MGAT4D: variants seen among roughly 807,000 people sequenced by gnomAD.
The protein encoded by MGAT4D is MGAT4 family member D.
A neutral mutation model predicts 15.9 loss-of-function variants in MGAT4D; 34 were observed. The observed-to-expected ratio is 2.14, with a 90% CI of 1.62 to 2.84. The LOEUF (loss-of-function observed/expected upper bound fraction) is 2.84. Ranked by LOEUF, MGAT4D falls within the 30% of genes most tolerant of loss-of-function variation. MGAT4D has a pLI of 0.00. For missense variants in MGAT4D, 327 were observed against 140.2 expected, an observed-to-expected ratio of 2.33 and a Z score of -6.73; for synonymous variants, 112 against 48.2, an observed-to-expected ratio of 2.33 and a Z score of -5.49.
chr4:140,476,190 T>A (rs1449980071), intron 3 of MGAT4D, among the ~76,000 whole-genome samples: 10 of 152,318 alleles, frequency 6.6e-5, no homozygotes, highest in Middle Eastern at 3.4e-3. Flanking sequence ...GTTGTCAGCA[T>A]TTTTCTTATT....
At chr4:140,465,532 A>G (rs551978744) in intron 5 of MGAT4D, among the ~76,000 whole-genome samples, 1 of 152,202 alleles carries the variant, frequency 6.6e-6, no homozygotes, top group South Asian at 2.1e-4. Context: ...ATAGATCAAC[A>G]AGGTCATCAC....
At chr4:140,449,104 A>G (rs1431129245) in intron 10 of MGAT4D, among the ~76,000 whole-genome samples, 1 of 152,220 alleles carries the variant, frequency 6.6e-6, no homozygotes. Context: ...TACAATGGAG[A>G]GGTAGAAAAT....
At position 140,474,815 on chromosome 4, in the gene MGAT4D, C is replaced by A; in HGVS notation, c.523G>T (p.Asp175Tyr). Residue 175 changes from aspartate to tyrosine, a missense_variant and splice_region_variant, in exon 4 of 11, where the codon GAT (aspartate) becomes TAT (tyrosine). Transcript: ENST00000511113. ...AGCTCCTTATTTTGTATACGTACATCTGCAACCAAGACAATCACTACAGAA... is the reference window on the plus strand; with the variant it reads ...AGCTCCTTATTTTGTATACGTACATATGCAACCAAGACAATCACTACAGAA... Reference protein sequence around the residue: ...KDSVVIVLVADSNEDYLHSVV... With the variant: ...KDSVVIVLVAYSNEDYLHSVV... 1 of 673,798 alleles carries A rather than the reference C, an allele frequency of 1.5e-6. No homozygotes were observed. Among genetic ancestry groups the A allele is most frequent in the Non-Finnish European group, 2.7e-6 (1 of 373,272 alleles). The allele number at this position is 673,798 out of a possible 1,614,324, so 41.7% of individuals were successfully genotyped here.
chr4:140,485,850 C>CAAAAAAAAAAAAAAAAAAAAAAAAAAAA (rs1578712314), intron 1 of MGAT4D, among the ~76,000 whole-genome samples: 2 of 41,948 alleles, frequency 4.8e-5, no homozygotes, highest in Non-Finnish European at 1.2e-4. Context: ...AAAAAAAAAG[C>CAAAAAAAAAAAAAAAAAAAAAAAAAAAA]AATGATGATA....
intron 6 of MGAT4D, among the ~76,000 whole-genome samples, chr4:140,463,639 G>GA (rs1176019079): frequency 6.6e-6 from 1 of 151,798 alleles, no homozygotes; most frequent in Non-Finnish European, 1.5e-5. Flanking sequence ...AACCTCATAT[G>GA]AAAAAAAATA....
rs549166598 is a variant in MGAT4D, at chr4:140,451,501, C to G, written c.1025G>C (p.Arg342Pro). Residue 342 changes from arginine to proline, a missense_variant, in exon 10 of 11, where the codon CGA (arginine) becomes CCA (proline). Coordinates refer to ENST00000511113, the MANE Select transcript of MGAT4D (RefSeq NM_001277353.2). ...ATACTGAATACGTATTTGCTTCTTT[C>G]GTTTCATACAGTTTCTCTGGGGAAA... Reference protein sequence around the residue: ...AGEDLRNCMKRKKQIRIQYKP... With the variant: ...AGEDLRNCMKPKKQIRIQYKP... 8.7e-6 allele frequency: 5 copies of G among 572,642 alleles called. No individual in the cohort carries two copies. Among genetic ancestry groups the G allele is most frequent in the Non-Finnish European group, 1.3e-5 (4 of 312,712 alleles). The allele number at this position is 572,642 out of a possible 1,614,324, so 35.5% of individuals were successfully genotyped here. A position where few individuals can be genotyped will look rare whatever the true frequency, so the allele number is the denominator to read the frequency against.
chr4:140,479,471 C>T lies in MGAT4D; in HGVS notation c.391+19G>A. On this transcript the variant is annotated intron_variant, in intron 3 of 10. Coordinates refer to ENST00000511113, the MANE Select transcript of MGAT4D (RefSeq NM_001277353.2). ...ATCAAAATACCTTTATTTAATTTTC[C>T]AATTCTAAGTTTTCTTACCACCAGT... is the stretch of plus-strand genomic sequence containing the variant. The T allele has an allele frequency of 2.2e-6, 1 of 458,236 alleles. No homozygotes were observed. The highest frequency in any genetic ancestry group is 3.9e-6 in the Non-Finnish European group (1 of 258,354). 28.4% of individuals were successfully genotyped at this position (458,236 alleles called of 1,614,324 possible).
chr4:140,445,358 C>T (rs914337680), intron 10 of MGAT4D, among the ~76,000 whole-genome samples: 30 of 152,020 alleles, frequency 2.0e-4, no homozygotes, highest in African/African-American at 7.2e-4. Context: ...GTGTCCTTTA[C>T]CCACTTTTTA....
chr4:140,461,880 TACACAC>T (rs10644682), intron 7 of MGAT4D, 43 bp downstream of exon 7: 5,706 of 533,606 alleles, frequency 0.011, 5 homozygotes, highest in East Asian at 0.02. Flanking sequence ...AATTGGTGTA[TACACAC>T]ACACACACAC....
chr4:140,447,122 G>A (rs1730184770), intron 10 of MGAT4D, among the ~76,000 whole-genome samples: 1 of 151,896 alleles, frequency 6.6e-6, no homozygotes, highest in South Asian at 2.1e-4. Flanking sequence ...ATTGTTTTAT[G>A]TCCAATTTTG....
chr4:140,478,093 G>T (rs1560789845), intron 3 of MGAT4D, among the ~76,000 whole-genome samples: 1 of 152,038 alleles, frequency 6.6e-6, no homozygotes. Flanking sequence ...ATCCCTTCTG[G>T]TAATTGAGAA....
chr4:140,460,349 C>T (rs982418893), intron 7 of MGAT4D, among the ~76,000 whole-genome samples: 1 of 152,188 alleles, frequency 6.6e-6, no homozygotes, highest in Non-Finnish European at 1.5e-5. Flanking sequence ...CTTATGTCTG[C>T]TGAAGGCCTA....
At chr4:140,450,651 C>T (rs1212351729) in intron 10 of MGAT4D, among the ~76,000 whole-genome samples, 1 of 152,130 alleles carries the variant, frequency 6.6e-6, no homozygotes, top group African/African-American at 2.4e-5. Context: ...AAGATGTATA[C>T]GTCTATTTCT....
At chr4:140,488,359 G>A (rs1012410304) in intron 1 of MGAT4D, among the ~76,000 whole-genome samples, 2 of 152,196 alleles carry the variant, frequency 1.3e-5, no homozygotes, top group Non-Finnish European at 2.9e-5. Flanking sequence ...ATAAAATCTG[G>A]TTTCTGCTCT....
At position 140,446,116 on chromosome 4, in the gene MGAT4D, G is replaced by A. The variant is rs538561712; in HGVS notation, c.1117-2672C>T. Among the ~76,000 whole-genome samples the A allele has an allele frequency of 3.4e-3, 74 of 21,750 alleles. 1 individual carries two copies. The East Asian group carries it at 0.24, about 70-fold the overall frequency. 14.3% of individuals were successfully genotyped at this position (21,750 alleles called of 152,430 possible). A position where few individuals can be genotyped will look rare whatever the true frequency, so the allele number is the denominator to read the frequency against. ...GCATTGATGTTCATTGAGGATATTG[G>A]CCTGAAGTTTTTTTGTTGTTGTTGT... is the stretch of plus-strand genomic sequence containing the variant. On this transcript the variant is annotated intron_variant, in intron 10 of 10. Coordinates refer to ENST00000511113, the MANE Select transcript of MGAT4D (RefSeq NM_001277353.2).
intron 1 of MGAT4D, among the ~76,000 whole-genome samples, chr4:140,494,947 A>G (rs149908877): frequency 9.3e-4 from 141 of 152,192 alleles, no homozygotes; most frequent in Middle Eastern, 3.4e-3. Flanking sequence ...GCATCCCGCA[A>G]TTCTCTTCTT....
chr4:140,467,759 G>A (rs976639260), intron 5 of MGAT4D, among the ~76,000 whole-genome samples: 6 of 151,986 alleles, frequency 3.9e-5, no homozygotes, highest in African/African-American at 1.4e-4. Context: ...AAAAATGAAT[G>A]ATTTTACCTT....
At chr4:140,474,291 C>A (rs1196777009) in intron 4 of MGAT4D, among the ~76,000 whole-genome samples, 2 of 152,078 alleles carry the variant, frequency 1.3e-5, no homozygotes, top group African/African-American at 4.8e-5. Flanking sequence ...TCCCTAAAAT[C>A]AGGACAGTAA....
intron 3 of MGAT4D, among the ~76,000 whole-genome samples, chr4:140,477,963 T>C (rs1208601317): frequency 6.6e-6 from 1 of 152,222 alleles, no homozygotes; most frequent in Non-Finnish European, 1.5e-5. Context: ...TCTATTAGAA[T>C]ACAGAATAAA....
Sources: gnomAD v4.1 joint callset for allele counts (sites outside exome capture counted in the v4.1 genomes callset) on GRCh38, gnomAD v4.1.1 for gene constraint, MANE v1.5 for transcripts, NCBI Gene and HGNC (gene_info 2026-07-23, HGNC 2026-07-21) for gene names.